The following NTF3 variants were observed in gnomAD, a reference collection of about 807,000 sequenced individuals.
NTF3 encodes the protein neurotrophin 3, also known as neurotrophin-3.
A neutral mutation model predicts 26.3 loss-of-function variants in NTF3; 8 were observed. The ratio of observed to expected loss-of-function variants is 0.30; its 90% CI spans 0.18 to 0.55. The LOEUF is 0.55. NTF3 is among the 20% of genes least tolerant of loss of function. The probability of loss-of-function intolerance (pLI) is 0.93; values close to 1 mark genes in which losing one functional copy is unlikely to be tolerated. For synonymous variants in NTF3, 154 were observed against 145.5 expected (o/e 1.06, Z -0.42); for missense variants, 276 against 352.9 (o/e 0.78, Z 1.75).
chr12:5,493,508 A>G (rs370629092), intron 1 of NTF3, among the ~76,000 whole-genome samples: 3 of 151,998 alleles, frequency 2.0e-5, no homozygotes, highest in Non-Finnish European at 2.9e-5. Context: ...GTCCCCGGGG[A>G]TGGAGCAGAT....
At chr12:5,453,017 G>A (rs999587872) in intron 1 of NTF3, among the ~76,000 whole-genome samples, 1 of 152,136 alleles carries the variant, frequency 6.6e-6, no homozygotes, top group Non-Finnish European at 1.5e-5. Flanking sequence ...GAGTAAGATC[G>A]TTTACACATC....
chr12:5,434,833 G>A (rs1250610253), intron 1 of NTF3, among the ~76,000 whole-genome samples: 1 of 152,046 alleles, frequency 6.6e-6, no homozygotes, highest in African/African-American at 2.4e-5. Context: ...GATGTGTGTG[G>A]GGGGTGGGGG....
intron 1 of NTF3, among the ~76,000 whole-genome samples, chr12:5,454,353 A>T (rs1405614283): frequency 2.0e-5 from 3 of 152,104 alleles, no homozygotes; most frequent in Non-Finnish European, 4.4e-5. Flanking sequence ...ACCCAATTGG[A>T]TTAAGTTCTA....
chr12:5,430,683 C>T (rs1051725159), upstream of NTF3, among the ~76,000 whole-genome samples: 1 of 150,906 alleles, frequency 6.6e-6, no homozygotes, highest in Non-Finnish European at 1.5e-5. Flanking sequence ...TAACCAAATT[C>T]TCAAGCAATT....
At chr12:5,488,274 GT>G (rs1940892464) in intron 1 of NTF3, among the ~76,000 whole-genome samples, 1 of 152,118 alleles carries the variant, frequency 6.6e-6, no homozygotes, top group African/African-American at 2.4e-5. Flanking sequence ...CTATTTCCAG[GT>G]TGCCAACCCC....
At chr12:5,451,904 G>A (rs1384980890) in intron 1 of NTF3, among the ~76,000 whole-genome samples, 17 of 152,014 alleles carry the variant, frequency 1.1e-4, no homozygotes, top group African/African-American at 3.9e-4. Context: ...TGTTACTCAG[G>A]ATGGTCTCAA....
chr12:5,445,508 A>G (rs575220524), intron 1 of NTF3, among the ~76,000 whole-genome samples: 2 of 152,234 alleles, frequency 1.3e-5, no homozygotes, highest in South Asian at 4.1e-4. Flanking sequence ...TTGCTTGGGG[A>G]GTGTGAATAC....
In NTF3 at chr12:5,494,328, G is replaced by A; in HGVS notation, c.153G>A (p.Leu51=). ...CGCTCAATTCCCTCATTATTAAGCTGATCCAGGCAGATATTTTGAAAAACA... is the reference window on the plus strand; with the variant it reads ...CGCTCAATTCCCTCATTATTAAGCTAATCCAGGCAGATATTTTGAAAAACA... ...EDSLNSLIIK[L]IQADILKNKL... is the part of the protein sequence containing the mutation. Residue 51 remains leucine (L), a synonymous_variant, in exon 2 of 2, where the codon CTG becomes CTA. Transcript: ENST00000423158. The surrounding 1 kb of genome is among the most constrained non-coding windows in gnomAD (Gnocchi z 8.3). The A allele has an allele frequency of 1.2e-6, 2 of 1,614,062 alleles. No homozygotes were observed. Among genetic ancestry groups the A allele is most frequent in the Non-Finnish European group, 1.7e-6 (2 of 1,180,026 alleles).
rs1940434602 is a variant in NTF3, at chr12:5,455,572, A to ACACACACACACC, written c.18+23241_18+23242insCCACACACACAC. On this transcript the variant is annotated intron_variant, in intron 1 of 1. Transcript: ENST00000423158. ...CACACACACACACACACACACACAC[A>ACACACACACACC]CACACACACACATAGCCCCTGTGAT... Among the ~76,000 whole-genome samples the ACACACACACACC allele has an allele frequency of 1.4e-5, 2 of 145,030 alleles. 1 individual carries two copies. Among genetic ancestry groups the ACACACACACACC allele is most frequent in the Non-Finnish European group, 3.0e-5 (2 of 66,752 alleles).
In NTF3 at chr12:5,494,256, T is replaced by C; in HGVS notation, c.81T>C (p.Arg27=). The change falls in exon 2 of 2, where the codon CGT becomes CGC. Residue 27 remains arginine, a synonymous_variant. Transcript: ENST00000423158. This position sits in a 1 kb window ranked among gnomAD's most constrained non-coding sequence, Gnocchi z 8.3. ...ATGTGATATTTCTCGCTTATCTCCGTGGCATCCAAGGTAACAACATGGATC... is the reference window on the plus strand; with the variant it reads ...ATGTGATATTTCTCGCTTATCTCCGCGGCATCCAAGGTAACAACATGGATC... ...LFYVIFLAYL[R]GIQGNNMDQR... is the part of the protein sequence containing the mutation. The C allele has an allele frequency of 1.9e-6, 3 of 1,614,168 alleles. No homozygotes were observed. Among genetic ancestry groups the C allele is most frequent in the Non-Finnish European group, 2.5e-6 (3 of 1,180,030 alleles).
Position 5,454,199 on chromosome 12 carries a change from C to CTAGCCTCTGG in NTF3, c.18+21868_18+21877dup, listed in dbSNP as rs112197639. 4.0e-3 allele frequency among the ~76,000 whole-genome samples: 606 copies of CTAGCCTCTGG among 152,338 alleles called. 3 individuals carry two copies. The highest frequency in any genetic ancestry group is 0.013 in the African/African-American group (556 of 41,572). ...GGAAGCAGCTGCCCCACGCCTTCTC[C>CTAGCCTCTGG]TAGCCTCTGGTAGCCTCTGGCATTT... On this transcript the variant is annotated intron_variant, in intron 1 of 1. Transcript: ENST00000423158.
upstream of NTF3, among the ~76,000 whole-genome samples, chr12:5,431,659 A>G (rs964256806): frequency 2.6e-5 from 4 of 152,160 alleles, no homozygotes; most frequent in East Asian, 7.7e-4. Context: ...CTCCTGAGGA[A>G]AAAGGCAGGA....
At chr12:5,474,054 A>G (rs1019288489) in intron 1 of NTF3, among the ~76,000 whole-genome samples, 2 of 152,236 alleles carry the variant, frequency 1.3e-5, no homozygotes, top group Non-Finnish European at 2.9e-5. Flanking sequence ...AAGAGAGAGC[A>G]TGGAATTTAT....
intron 1 of NTF3, among the ~76,000 whole-genome samples, chr12:5,452,574 A>G (rs1458726380): frequency 1.3e-5 from 2 of 152,160 alleles, no homozygotes; most frequent in Admixed American, 6.5e-5. Context: ...ATTCTCTCAG[A>G]ATAGATTTCC....
intron 1 of NTF3, among the ~76,000 whole-genome samples, chr12:5,446,707 T>C (rs1940310543): frequency 6.6e-6 from 1 of 152,156 alleles, no homozygotes; most frequent in African/African-American, 2.4e-5. Flanking sequence ...ATCATTGCAA[T>C]CCCTGGGTTT....
intron 1 of NTF3, among the ~76,000 whole-genome samples, chr12:5,463,533 G>T (rs1373567719): frequency 6.6e-6 from 1 of 152,178 alleles, no homozygotes; most frequent in East Asian, 1.9e-4. Context: ...GGCAGAGATG[G>T]TTGGGGGTGG....
In NTF3 at chr12:5,494,706, G is replaced by C. The variant is rs752735163; in HGVS notation, c.531G>C (p.Ser177=). Reference sequence around the variant, plus strand: ...GTCTGTGGGTGACCGACAAGTCATCGGCCATCGACATTCGGGGACACCAGG... The same window carrying C: ...GTCTGTGGGTGACCGACAAGTCATCCGCCATCGACATTCGGGGACACCAGG... The part of the protein sequence containing the change: ...SESLWVTDKS[S]AIDIRGHQVT... The change falls in exon 2 of 2, where the codon TCG becomes TCC. Residue 177 remains serine, a synonymous_variant. Transcript: ENST00000423158. This position sits in a 1 kb window ranked among gnomAD's most constrained non-coding sequence, Gnocchi z 8.3. 3.1e-6 allele frequency: 5 copies of C among 1,614,020 alleles called. No individual in the cohort carries two copies. In the African/African-American group the frequency reaches 5.3e-5, roughly 17 times the overall value.
intron 1 of NTF3, among the ~76,000 whole-genome samples, chr12:5,445,378 G>A (rs1345937560): frequency 6.6e-6 from 1 of 151,188 alleles, no homozygotes; most frequent in Non-Finnish European, 1.5e-5. Flanking sequence ...AAGTGCTACT[G>A]AACATTTTTT....
Position 5,494,547 on chromosome 12 carries a change from C to T in NTF3, c.372C>T (p.Pro124=). The change falls in exon 2 of 2, where the codon CCC becomes CCT. Residue 124 remains proline, a synonymous_variant. Coordinates refer to ENST00000423158, the MANE Select transcript of NTF3 (RefSeq NM_001102654.2). The surrounding 1 kb of genome is among the most constrained non-coding windows in gnomAD (Gnocchi z 8.3). ...SPRVLLSDST[P]LEPPPLYLME... Reference sequence around the variant, plus strand: ...GGGTCCTGCTGAGCGACAGCACCCCCTTGGAGCCCCCGCCCTTGTATCTCA... The same window carrying T: ...GGGTCCTGCTGAGCGACAGCACCCCTTTGGAGCCCCCGCCCTTGTATCTCA... 6.2e-7 allele frequency: 1 copy of T among 1,614,112 alleles called. No individual in the cohort carries two copies. The highest frequency in any genetic ancestry group is 8.5e-7 in the Non-Finnish European group (1 of 1,180,006).
Sources: allele counts gnomAD v4.1 joint callset (sites outside exome capture counted in the v4.1 genomes callset), GRCh38; gene constraint gnomAD v4.1.1; non-coding constraint Gnocchi (gnomAD v3.1); transcripts MANE v1.5; gene names NCBI Gene and HGNC (gene_info 2026-07-23, HGNC 2026-07-21).